ANKRD54: variants seen among roughly 807,000 people sequenced by gnomAD.
The protein encoded by ANKRD54 is ankyrin repeat domain-containing protein 54.
ANKRD54 carries 26 observed loss-of-function variants against 36.2 expected under a neutral mutation model. The ratio of observed to expected loss-of-function variants is 0.72; its 90% CI spans 0.53 to 1.00. ANKRD54 has a LOEUF of 1.00. Ranked by LOEUF, ANKRD54 falls within the 50% of genes least tolerant of loss-of-function variation. The probability of loss-of-function intolerance (pLI) is 0.00; values close to 1 mark genes in which losing one functional copy is unlikely to be tolerated. For synonymous variants in ANKRD54, 209 were observed against 188.4 expected, an observed-to-expected ratio of 1.11 and a Z score of -0.89; for missense variants, 384 against 424.3, an observed-to-expected ratio of 0.91 and a Z score of 0.83.
chr22:37,842,723 T>C (rs1480867928), intron 1 of ANKRD54, among the ~76,000 whole-genome samples: 1 of 152,242 alleles, frequency 6.6e-6, no homozygotes, highest in African/African-American at 2.4e-5. Flanking sequence ...AATACAACGC[T>C]TCCAAATTCT....
In ANKRD54 at chr22:37,843,985, T is replaced by A; in HGVS notation, c.254A>T (p.Lys85Met). ...GCGCCTCAGCCGGCCAGCGGGTATC[T>A]TGCAGCGCAGCTCGTCGCGCGGCTC... Reference protein sequence around the residue: ...DAEPRDELRCKIPAGRLRRAA... With the variant: ...DAEPRDELRCMIPAGRLRRAA... Residue 85 changes from lysine to methionine, a missense_variant, in exon 1 of 8, where the codon AAG (lysine) becomes ATG (methionine). Coordinates refer to ENST00000215941, the MANE Select transcript of ANKRD54 (RefSeq NM_138797.4). 1 of 1,422,458 alleles carries A rather than the reference T, an allele frequency of 7.0e-7. No homozygotes were observed. The highest frequency in any genetic ancestry group is 9.2e-7 in the Non-Finnish European group (1 of 1,092,372). The allele number at this position is 1,422,458 out of a possible 1,614,324, so 88.1% of individuals were successfully genotyped here.
upstream of ANKRD54, chr22:37,848,656 A>G (rs922522378): frequency 6.6e-6 from 1 of 152,062 alleles, no homozygotes; most frequent in South Asian, 2.1e-4. Context: ...TCGGCCTCCC[A>G]AAGTGTAGGG....
At chr22:37,841,868 T>G (rs1247050666) in intron 1 of ANKRD54, among the ~76,000 whole-genome samples, 1 of 57,630 alleles carries the variant, frequency 1.7e-5, no homozygotes, top group Non-Finnish European at 2.8e-5. Context: ...AATAAATAAA[T>G]AAATAAATAA....
upstream of ANKRD54, among the ~76,000 whole-genome samples, chr22:37,845,219 A>G (rs1387997771): frequency 2.0e-5 from 3 of 152,208 alleles, no homozygotes; most frequent in African/African-American, 7.2e-5. Flanking sequence ...AAGTGATTAC[A>G]TTAGAGCAAT....
At chr22:37,838,157 A>T (rs944241493) in intron 3 of ANKRD54, among the ~76,000 whole-genome samples, 6 of 152,064 alleles carry the variant, frequency 3.9e-5, no homozygotes, top group Admixed American at 3.9e-4. Context: ...GACTCCTATA[A>T]AAAGAGAAAA....
At position 37,843,936 on chromosome 22, in the gene ANKRD54, G is replaced by T. The variant is rs748408741; in HGVS notation, c.303C>A (p.Leu101=). The change falls in exon 1 of 8, where the codon CTC becomes CTA. Residue 101 remains leucine, a synonymous_variant. Transcript: ENST00000215941. ...LRRAARPHRR[L]GPTGKEVHAL... The stretch of plus-strand genomic sequence containing the variant: ...CGTGCACCTCCTTGCCCGTGGGCCC[G>T]AGCCGCCGGTGGGGCCTGGCAGCGC... 1 of 1,364,584 alleles carries T rather than the reference G, an allele frequency of 7.3e-7. No homozygotes were observed. Among genetic ancestry groups the T allele is most frequent in the Admixed American group, 3.3e-5 (1 of 30,424 alleles). 84.5% of individuals were successfully genotyped at this position (1,364,584 alleles called of 1,614,324 possible).
intron 2 of ANKRD54, 61 bp downstream of exon 2, chr22:37,840,126 G>A: frequency 6.3e-7 from 1 of 1,592,052 alleles, no homozygotes; most frequent in Non-Finnish European, 8.6e-7. Flanking sequence ...TGATTACCTG[G>A]CCTTTTCCTT....
chr22:37,846,636 T>G (rs886574481), upstream of ANKRD54, among the ~76,000 whole-genome samples: 1 of 152,050 alleles, frequency 6.6e-6, no homozygotes, highest in African/African-American at 2.4e-5. Flanking sequence ...GGTCTCACTA[T>G]ATTGCCCAGG....
intron 3 of ANKRD54, among the ~76,000 whole-genome samples, chr22:37,836,218 G>A (rs1189483043): frequency 4.0e-5 from 6 of 149,636 alleles, no homozygotes; most frequent in African/African-American, 1.2e-4. Context: ...AGGCCGAGGC[G>A]GGTGGATCAC....
At chr22:37,838,672 G>A in intron 2 of ANKRD54, 74 bp from the exon 3 acceptor site, 1 of 1,474,202 alleles carries the variant, frequency 6.8e-7, no homozygotes, top group Non-Finnish European at 9.2e-7. Context: ...CCGAGCGATG[G>A]AGAGGGAGGC....
chr22:37,841,395 G>A (rs1924219989), intron 1 of ANKRD54, among the ~76,000 whole-genome samples: 1 of 152,068 alleles, frequency 6.6e-6, no homozygotes, highest in African/African-American at 2.4e-5. Flanking sequence ...GCATGGGGGT[G>A]CACGCCTACA....
chr22:37,847,003 G>A (rs1322410454), upstream of ANKRD54, among the ~76,000 whole-genome samples: 5 of 150,814 alleles, frequency 3.3e-5, no homozygotes, highest in South Asian at 2.1e-4. Flanking sequence ...ACAGGCGCCC[G>A]CCACTACGCC....
chr22:37,833,787 G>A (rs761109633), intron 3 of ANKRD54, 32 bp from the exon 4 acceptor site: 8 of 1,609,266 alleles, frequency 5.0e-6, no homozygotes, highest in African/African-American at 2.7e-5. Flanking sequence ...AGGAGTTGTC[G>A]GAGGCTTCCA....
intron 1 of ANKRD54, among the ~76,000 whole-genome samples, chr22:37,840,989 G>T (rs1924166146): frequency 1.3e-5 from 2 of 151,452 alleles, no homozygotes; most frequent in Admixed American, 1.3e-4. Flanking sequence ...GGCCGAGGTA[G>T]GAGAATGGGT....
intron 1 of ANKRD54, among the ~76,000 whole-genome samples, chr22:37,841,539 C>CAG (rs1290976417): frequency 6.8e-6 from 1 of 146,786 alleles, no homozygotes; most frequent in Non-Finnish European, 1.5e-5. Context: ...CAAACACACA[C>CAG]ACACACACAC....
At chr22:37,838,878 C>T (rs1407756049) in intron 2 of ANKRD54, among the ~76,000 whole-genome samples, 1 of 152,094 alleles carries the variant, frequency 6.6e-6, no homozygotes, top group Non-Finnish European at 1.5e-5. Flanking sequence ...ATTTTAGGGT[C>T]ACAGGAATCC....
chr22:37,839,130 C>A (rs1209062468), intron 2 of ANKRD54, among the ~76,000 whole-genome samples: 6 of 152,168 alleles, frequency 3.9e-5, no homozygotes, highest in Non-Finnish European at 8.8e-5. Context: ...CCACTTCAGC[C>A]TCCCAAAGTG....
At position 37,832,725 on chromosome 22, in the gene ANKRD54, T is replaced by TC. The variant is rs1367808538; in HGVS notation, c.739dup (p.Glu247GlyfsTer10). ...ATGTTGCCCTAGGCGCTCCAGATAC[T>TC]CCCTCAGCATATGGATGATCTGGAA... On this transcript the variant is annotated frameshift_variant, in exon 7 of 8. Coordinates refer to ENST00000215941, the MANE Select transcript of ANKRD54 (RefSeq NM_138797.4). LOFTEE classifies it high-confidence loss of function. The TC allele has an allele frequency of 1.2e-6, 2 of 1,614,080 alleles. No individual in the cohort carries two copies. Among genetic ancestry groups the TC allele is most frequent in the Admixed American group, 1.7e-5 (1 of 60,018 alleles).
upstream of ANKRD54, among the ~76,000 whole-genome samples, chr22:37,846,768 T>C (rs1465454605): frequency 2.0e-5 from 3 of 152,156 alleles, no homozygotes; most frequent in Admixed American, 6.5e-5. Context: ...TCAAATGTCA[T>C]GAACATTTTG....
Sources: allele counts gnomAD v4.1 joint callset (sites outside exome capture counted in the v4.1 genomes callset), GRCh38; gene constraint gnomAD v4.1.1; transcripts MANE v1.5; gene names NCBI Gene and HGNC (gene_info 2026-07-23, HGNC 2026-07-21).